CCDC142: variants seen among roughly 807,000 people sequenced by gnomAD.
CCDC142 encodes the protein coiled-coil domain-containing protein 142.
In CCDC142, 67 loss-of-function variants were observed where a neutral mutation model predicts 83.8. That is an observed-to-expected ratio of 0.80 (90% confidence interval 0.66 to 0.98). CCDC142 has a LOEUF of 0.98. Ranked by LOEUF, CCDC142 falls within the 50% of genes least tolerant of loss-of-function variation. The pLI is 0.00. For missense variants in CCDC142, 905 were observed against 946.8 expected (o/e 0.96, Z 0.58); for synonymous variants, 421 against 421.2 (o/e 1.00, Z 0.01).
intron 1 of CCDC142, 47 bp downstream of exon 1, chr2:74,481,770 G>C: frequency 6.4e-7 from 1 of 1,570,832 alleles, no homozygotes; most frequent in South Asian, 1.2e-5. Flanking sequence ...CAAGGGGAAG[G>C]AAGAGACCCC....
chr2:74,480,090 A>G (rs939514895), intron 5 of CCDC142, among the ~76,000 whole-genome samples: 18 of 152,228 alleles, frequency 1.2e-4, no homozygotes, highest in African/African-American at 4.1e-4. Context: ...TTACCACTTT[A>G]CAACCTCTAA....
chr2:74,473,126 A>G lies in CCDC142; in HGVS notation c.*1420T>C, dbSNP rs1305810418. 6 of 224,482 alleles carry G rather than the reference A, an allele frequency of 2.7e-5. No homozygotes were observed. In the Admixed American group the frequency reaches 3.2e-4, roughly 12 times the overall value. The allele number at this position is 224,482 out of a possible 1,614,324, so 13.9% of individuals were successfully genotyped here. A position where few individuals can be genotyped will look rare whatever the true frequency, so the allele number is the denominator to read the frequency against. On this transcript the variant is annotated 3_prime_UTR_variant, in exon 9 of 9. Coordinates refer to ENST00000393965, the MANE Select transcript of CCDC142 (RefSeq NM_001365575.2). Reference sequence around the variant, plus strand: ...AGGTAACTGAAGATTAAACGTAGTGAGCTCTGAATAGCCAAAGCTTAAACG... The same window carrying G: ...AGGTAACTGAAGATTAAACGTAGTGGGCTCTGAATAGCCAAAGCTTAAACG...
rs759672976 is a variant in CCDC142, at chr2:74,482,111, GC to G, written c.726del (p.Glu242AspfsTer19). The G allele has an allele frequency of 1.9e-6, 3 of 1,613,628 alleles. No homozygotes were observed. In the Admixed American group the frequency reaches 5.0e-5, roughly 27 times the overall value. ...AGCCGACTTGCCACCTGGCAACCCC[GC>G]TCCCCCGTCAAGAGGCGGAGCACAC... ...TSRVLRLLTGERGCQVASRLD... is the reference protein window; with the variant it reads ...TSRVLRLLTGXRGCQVASRLD... On this transcript the variant is annotated frameshift_variant, in exon 1 of 9. Transcript: ENST00000393965. LOFTEE classifies it high-confidence loss of function. The surrounding 1 kb of genome is among the most constrained non-coding windows in gnomAD (Gnocchi z 5.0).
rs776594335 is a variant in CCDC142 at position 74,482,422 on chromosome 2, T to TGGGGCAA, written c.409_415dup (p.Gln139LeufsTer212). On this transcript the variant is annotated frameshift_variant, in exon 1 of 9. Transcript: ENST00000393965. LOFTEE classifies it high-confidence loss of function. The surrounding 1 kb of genome is among the most constrained non-coding windows in gnomAD (Gnocchi z 5.0). ...GTGCAGCTGCAGGTCGCGGCACCAC[T>TGGGGCAA]GGGGCAAGGGGCTAGGGCCGCCGGA... The TGGGGCAA allele has an allele frequency of 5.8e-6, 9 of 1,559,388 alleles. No individual in the cohort carries two copies. The African/African-American group carries it at 1.2e-4, about 21-fold the overall frequency.
Position 74,475,600 on chromosome 2 carries a change from A to G in CCDC142, c.1618+12T>C. ...TGGAACTCTGGAAGGAGAAGCTGGG[A>G]TGAGGAGTTACCAGGACAGAGACGA... On this transcript the variant is annotated intron_variant, in intron 6 of 8. Coordinates refer to ENST00000393965, the MANE Select transcript of CCDC142 (RefSeq NM_001365575.2). 6.2e-7 allele frequency: 1 copy of G among 1,605,200 alleles called. No individual in the cohort carries two copies.
In CCDC142 at chr2:74,482,798, C is replaced by G. The variant is rs1321894188; in HGVS notation, c.40G>C (p.Val14Leu). The G allele has an allele frequency of 3.7e-6, 6 of 1,600,036 alleles. No homozygotes were observed. The highest frequency in any genetic ancestry group is 1.7e-5 in the Admixed American group (1 of 60,016). ...TGCGCCCTCAGCGGGGGCACGATAA[C>G]GAGTGGAGGCAGGCTACCTGAGCGA... ...ASRSGSLPPLVIVPPLRAQPG... is the reference protein window; with the variant it reads ...ASRSGSLPPLLIVPPLRAQPG... The change falls in exon 1 of 9, where the codon GTT becomes CTT. Residue 14 changes from valine (V) to leucine (L), a missense_variant. By Grantham distance (32) the Val-to-Leu change is conservative. Around this residue, in one of 3 missense-constraint regions of CCDC142, gnomAD observed 591 missense variants for 571.4 expected, o/e 1.03. Transcript: ENST00000393965. The surrounding 1 kb of genome is among the most constrained non-coding windows in gnomAD (Gnocchi z 5.0).
rs555230024 is a variant in CCDC142, at chr2:74,482,944, C to T, written c.-107G>A. 2,045 of 1,553,766 alleles carry T rather than the reference C, an allele frequency of 1.3e-3. 5 individuals are homozygous for T. The highest frequency in any genetic ancestry group is 1.4e-3 in the Non-Finnish European group (1,640 of 1,140,054). On this transcript the variant is annotated 5_prime_UTR_variant, in exon 1 of 9. Coordinates refer to ENST00000393965, the MANE Select transcript of CCDC142 (RefSeq NM_001365575.2). This position sits in a 1 kb window ranked among gnomAD's most constrained non-coding sequence, Gnocchi z 5.0. ...ATCGCAAGAGCCGTTTTCTCCAGTC[C>T]GGGAGTCGCGGGGACCTTCATGGAC...
rs1306060984 is a variant in CCDC142, at chr2:74,474,435, T to C, written c.*111A>G. 3 of 1,351,620 alleles carry C rather than the reference T, an allele frequency of 2.2e-6. No individual in the cohort carries two copies. The highest frequency in any genetic ancestry group is 3.0e-6 in the Non-Finnish European group (3 of 1,008,122). 83.7% of individuals were successfully genotyped at this position (1,351,620 alleles called of 1,614,324 possible). A position where few individuals can be genotyped will look rare whatever the true frequency, so the allele number is the denominator to read the frequency against. On this transcript the variant is annotated 3_prime_UTR_variant, in exon 9 of 9. Transcript: ENST00000393965. ...CTTTGTAGCTTATTCTCCAGTATGC[T>C]TTCCTCCAAGCTTCCAGTTCTGGGC... is the stretch of plus-strand genomic sequence containing the variant.
chr2:74,474,297 A>T lies in CCDC142; in HGVS notation c.*249T>A, dbSNP rs1309520782. ...ACAGGGTTTCACCGTGTTAGCCAGG[A>T]TGGTCTTGATCTCCTGACCTCATGA... On this transcript the variant is annotated 3_prime_UTR_variant, in exon 9 of 9. Coordinates refer to ENST00000393965, the MANE Select transcript of CCDC142 (RefSeq NM_001365575.2). 2.7e-6 allele frequency: 1 copy of T among 366,674 alleles called. No homozygotes were observed. Among genetic ancestry groups the T allele is most frequent in the African/African-American group, 2.1e-5 (1 of 46,742 alleles). 22.7% of individuals were successfully genotyped at this position (366,674 alleles called of 1,614,324 possible). A position where few individuals can be genotyped will look rare whatever the true frequency, so the allele number is the denominator to read the frequency against.
At position 74,474,996 on chromosome 2, in the gene CCDC142, T is replaced by C; in HGVS notation, c.1916A>G (p.Gln639Arg). Residue 639 changes from glutamine to arginine, a missense_variant, in exon 8 of 9, where the codon CAG becomes CGG. Gln to Arg is a conservative substitution (Grantham distance 43, BLOSUM62 1). Around this residue, in one of 3 missense-constraint regions of CCDC142, gnomAD observed 265 missense variants for 288.9 expected, o/e 0.92. Transcript: ENST00000393965. ...RQTLLMLSIF[Q>R]QLDGALLCLL... The stretch of plus-strand genomic sequence containing the variant: ...ACACAGCAGGGCCCCATCCAGCTGC[T>C]GGAAGATGCTGAGCATGAGCAGGGT... The C allele has an allele frequency of 2.5e-6, 4 of 1,613,890 alleles. No individual in the cohort carries two copies. The highest frequency in any genetic ancestry group is 3.4e-6 in the Non-Finnish European group (4 of 1,179,896).
In CCDC142 at chr2:74,476,098, CACACAG is replaced by C. The variant is rs1478960882; in HGVS notation, c.1504-378_1504-373del. Among the ~76,000 whole-genome samples the C allele has an allele frequency of 1.4e-3, 162 of 115,988 alleles. 2 individuals are homozygous for C. The East Asian group carries it at 0.024, about 17-fold the overall frequency. The allele number at this position is 115,988 out of a possible 152,430, so 76.1% of individuals were successfully genotyped here. A position where few individuals can be genotyped will look rare whatever the true frequency, so the allele number is the denominator to read the frequency against. ...ACACACACACACACACACACACACACACACAGAGCATATGCCAGAAAGAGGGATTGT... is the reference window on the plus strand; with the variant it reads ...ACACACACACACACACACACACACACAGCATATGCCAGAAAGAGGGATTGT... On this transcript the variant is annotated intron_variant, in intron 5 of 8. Coordinates refer to ENST00000393965, the MANE Select transcript of CCDC142 (RefSeq NM_001365575.2).
rs773711840 is a variant in CCDC142, at chr2:74,474,747, C to T, written c.2052G>A (p.Leu684=). Residue 684 remains leucine (L), a synonymous_variant, in exon 9 of 9, where the codon CTG becomes CTA. Coordinates refer to ENST00000393965, the MANE Select transcript of CCDC142 (RefSeq NM_001365575.2). ...GCTGGAGCGGGGGCTCCAAGCTCTC[C>T]AGGCTATTGAGGCAGCTGCTGGGCA... ...TKLPSSCLNS[L]ESLEPPLQPG... The T allele has an allele frequency of 1.2e-6, 2 of 1,614,046 alleles. No individual in the cohort carries two copies. The highest frequency in any genetic ancestry group is 1.1e-5 in the South Asian group (1 of 91,054).
At position 74,481,053 on chromosome 2, in the gene CCDC142, A is replaced by C; in HGVS notation, c.1292T>G (p.Leu431Arg). Residue 431 changes from leucine (L) to arginine (R), a missense_variant, in exon 4 of 9, where the codon CTT becomes CGT. Coordinates refer to ENST00000393965, the MANE Select transcript of CCDC142 (RefSeq NM_001365575.2). ...CAGGAACCAGAGCAAGGTGGTCTGA[A>C]GGGTACAGAGACCTAGGGCGACAGG... ...PAPVALGLCT[L>R]QTTLLWFLGR... 6.2e-7 allele frequency: 1 copy of C among 1,614,012 alleles called. No individual in the cohort carries two copies. Among genetic ancestry groups the C allele is most frequent in the Non-Finnish European group, 8.5e-7 (1 of 1,179,974 alleles).
In CCDC142 at chr2:74,475,116, C is replaced by T. The variant is rs1558571881; in HGVS notation, c.1797-1G>A. ...TTTGAGCTGCAGCGCTCCCTGCAGG[C>T]TGAAGGCAGAGGTACAGTATGGCCA... On this transcript the variant is annotated splice_acceptor_variant, in intron 7 of 8. Transcript: ENST00000393965. LOFTEE classifies it high-confidence loss of function. 6.2e-7 allele frequency: 1 copy of T among 1,610,000 alleles called. No individual in the cohort carries two copies. The highest frequency in any genetic ancestry group is 2.2e-5 in the East Asian group (1 of 44,878).
Position 74,475,724 on chromosome 2 carries a change from G to C in CCDC142, c.1506C>G (p.Leu502=). The change falls in exon 6 of 9, where the codon CTC becomes CTG. Residue 502 remains leucine, a splice_region_variant and synonymous_variant. Transcript: ENST00000393965. ...AGACACTTAGTGACTCTTCAGGCAGGAGCTGTAGGGATAGGGAGAAAGTAA... is the reference window on the plus strand; with the variant it reads ...AGACACTTAGTGACTCTTCAGGCAGCAGCTGTAGGGATAGGGAGAAAGTAA... The part of the protein sequence containing the change: ...EIQKLTAQIQ[L]LPEESLSVFS... 1 of 1,595,862 alleles carries C rather than the reference G, an allele frequency of 6.3e-7. No individual in the cohort carries two copies. Among genetic ancestry groups the C allele is most frequent in the Non-Finnish European group, 8.6e-7 (1 of 1,163,672 alleles).
chr2:74,473,615 C>A lies in CCDC142; in HGVS notation c.*931G>T, dbSNP rs1166898364. Reference sequence around the variant, plus strand: ...TACAGGCGTGAGCAGGCGTGAGCCCCCTCACCTGGCCGAGCACTCAACTCT... The same window carrying A: ...TACAGGCGTGAGCAGGCGTGAGCCCACTCACCTGGCCGAGCACTCAACTCT... On this transcript the variant is annotated 3_prime_UTR_variant, in exon 9 of 9. Coordinates refer to ENST00000393965, the MANE Select transcript of CCDC142 (RefSeq NM_001365575.2). Among the ~76,000 whole-genome samples the A allele has an allele frequency of 6.6e-6, 1 of 152,176 alleles. No homozygotes were observed. Among genetic ancestry groups the A allele is most frequent in the Non-Finnish European group, 1.5e-5 (1 of 68,024 alleles).
intron 5 of CCDC142, among the ~76,000 whole-genome samples, chr2:74,477,094 C>A (rs944390674): frequency 2.0e-5 from 3 of 152,040 alleles, no homozygotes; most frequent in African/African-American, 7.2e-5. Context: ...ATCTTATAGT[C>A]CAAACAGGAA....
chr2:74,481,904 C>T lies in CCDC142; in HGVS notation c.934G>A (p.Ala312Thr). Residue 312 changes from alanine (A) to threonine (T), a missense_variant, in exon 1 of 9, where the codon GCC becomes ACC. By Grantham distance (58) the Ala-to-Thr change is moderately conservative. Transcript: ENST00000393965. ...WSQYWTLLWA[A>T]CAQSLDLNLG... ...TTTAGGTCCAGACTCTGAGCACAGG[C>T]TGCCCACAGCAGGGTCCAGTATTGG... The T allele has an allele frequency of 1.2e-6, 2 of 1,614,184 alleles. No individual in the cohort carries two copies. Among genetic ancestry groups the T allele is most frequent in the Non-Finnish European group, 1.7e-6 (2 of 1,180,034 alleles).
chr2:74,479,682 C>T (rs1431146015), intron 5 of CCDC142, among the ~76,000 whole-genome samples: 3 of 152,180 alleles, frequency 2.0e-5, no homozygotes, highest in African/African-American at 7.2e-5. Flanking sequence ...CAGCCTTGAC[C>T]TCCTGGGCTC....
Sources: gnomAD v4.1 joint callset for allele counts (sites outside exome capture counted in the v4.1 genomes callset) on GRCh38, gnomAD v4.1.1 for gene constraint, gnomAD v4.1.1 regional missense constraint, Gnocchi (gnomAD v3.1) non-coding constraint, MANE v1.5 for transcripts, NCBI Gene and HGNC (gene_info 2026-07-23, HGNC 2026-07-21) for gene names.